Variants in ITGA9 observed in about 807,000 individuals in gnomAD.
The protein encoded by ITGA9 is integrin alpha-9.
In ITGA9, 56 loss-of-function variants were observed where a neutral mutation model predicts 127.8. That is an observed-to-expected ratio of 0.44 (90% confidence interval 0.35 to 0.55). The LOEUF is 0.55. Among genes scored for constraint, ITGA9 ranks in the 20% least tolerant of loss-of-function variants. The pLI is 0.00. For missense variants in ITGA9, 1,196 were observed against 1,347.1 expected (o/e 0.89, Z 1.76); for synonymous variants, 508 against 514.5 (o/e 0.99, Z 0.17).
chr3:37,610,562 T>G (rs942442147), intron 15 of ITGA9, among the ~76,000 whole-genome samples: 3 of 152,202 alleles, frequency 2.0e-5, no homozygotes, highest in Non-Finnish European at 4.4e-5. Flanking sequence ...AGTATAGACT[T>G]AGTTTGTCTG....
At chr3:37,649,003 G>A (rs1373364089) in intron 16 of ITGA9, among the ~76,000 whole-genome samples, 1 of 150,630 alleles carries the variant, frequency 6.6e-6, no homozygotes, top group Non-Finnish European at 1.5e-5. Context: ...GTTACATTGT[G>A]AACTTATAAC....
At chr3:37,657,121 A>T (rs1414422449) in intron 17 of ITGA9, among the ~76,000 whole-genome samples, 1 of 152,142 alleles carries the variant, frequency 6.6e-6, no homozygotes, top group Non-Finnish European at 1.5e-5. Flanking sequence ...TTTAGCATTG[A>T]TGTTCATCAG....
intron 15 of ITGA9, among the ~76,000 whole-genome samples, chr3:37,590,618 C>A (rs1699806354): frequency 6.6e-6 from 1 of 151,572 alleles, no homozygotes; most frequent in Admixed American, 6.6e-5. Context: ...GAGATACCCA[C>A]CCTGCCCCTT....
chr3:37,651,771 G>A (rs1350383564), intron 16 of ITGA9, among the ~76,000 whole-genome samples: 2 of 152,122 alleles, frequency 1.3e-5, no homozygotes, highest in East Asian at 3.9e-4. Flanking sequence ...TGAACCAGCT[G>A]GAGGAATCTG....
intron 27 of ITGA9, among the ~76,000 whole-genome samples, chr3:37,811,546 T>C (rs1230256422): frequency 6.6e-6 from 1 of 152,156 alleles, no homozygotes; most frequent in Non-Finnish European, 1.5e-5. Flanking sequence ...CTTCCCTCCC[T>C]GTCTTTCTCT....
At chr3:37,530,314 G>T (rs1005490437) in intron 13 of ITGA9, among the ~76,000 whole-genome samples, 2 of 152,206 alleles carry the variant, frequency 1.3e-5, no homozygotes, top group African/African-American at 4.8e-5. Context: ...TAGGTTTTGG[G>T]TGGGACTAGA....
At chr3:37,610,609 A>G (rs1700007307) in intron 15 of ITGA9, among the ~76,000 whole-genome samples, 1 of 152,210 alleles carries the variant, frequency 6.6e-6, no homozygotes, top group Non-Finnish European at 1.5e-5. Context: ...AATAATACCT[A>G]TGTCGAGATA....
chr3:37,634,591 A>G, intron 16 of ITGA9, among the ~76,000 whole-genome samples: 1 of 152,202 alleles, frequency 6.6e-6, no homozygotes, highest in Non-Finnish European at 1.5e-5. Context: ...AGAGAAACTA[A>G]ATATATAAAG....
chr3:37,736,767 C>G (rs1696367527), intron 19 of ITGA9, 137 bp from the exon 20 acceptor site: 1 of 713,562 alleles, frequency 1.4e-6, no homozygotes, highest in Non-Finnish European at 2.6e-6. Context: ...TTTGGCCTGA[C>G]AGTCAGAAAG....
At chr3:37,720,028 T>G (rs1229795827) in intron 18 of ITGA9, among the ~76,000 whole-genome samples, 1 of 152,200 alleles carries the variant, frequency 6.6e-6, no homozygotes, top group Non-Finnish European at 1.5e-5. Flanking sequence ...CTCAGTGACA[T>G]GGAGCAGTGC....
intron 3 of ITGA9, among the ~76,000 whole-genome samples, chr3:37,476,736 C>T (rs373286972): frequency 2.0e-5 from 3 of 152,268 alleles, no homozygotes; most frequent in South Asian, 2.1e-4. Flanking sequence ...TCTTTTGTGT[C>T]ATTAGGAACT....
chr3:37,698,666 A>G (rs1183441691), intron 18 of ITGA9, among the ~76,000 whole-genome samples: 1 of 152,102 alleles, frequency 6.6e-6, no homozygotes, highest in Non-Finnish European at 1.5e-5. Flanking sequence ...TTTCGTGTGC[A>G]TGTTTTTTTT....
chr3:37,559,415 G>A (rs767989395), intron 15 of ITGA9, among the ~76,000 whole-genome samples: 4 of 152,176 alleles, frequency 2.6e-5, no homozygotes, highest in South Asian at 2.1e-4. Context: ...CAAAGGGTTG[G>A]TGTGAGGATA....
intron 15 of ITGA9, among the ~76,000 whole-genome samples, chr3:37,622,786 A>G (rs920494224): frequency 1.3e-5 from 2 of 152,140 alleles, no homozygotes; most frequent in South Asian, 4.1e-4. Context: ...CAGAGATTGC[A>G]ATGAGCTGAG....
chr3:37,812,657 A>G (rs1210280788), intron 27 of ITGA9, among the ~76,000 whole-genome samples: 1 of 152,272 alleles, frequency 6.6e-6, no homozygotes, highest in East Asian at 1.9e-4. Flanking sequence ...CTGCAGGACC[A>G]GCAGACACAA....
At chr3:37,748,568 T>G in intron 22 of ITGA9, 1 of 452,272 alleles carries the variant, frequency 2.2e-6, no homozygotes, top group East Asian at 4.4e-5. Context: ...GCCAACATGG[T>G]GAAATCCCGT....
intron 15 of ITGA9, among the ~76,000 whole-genome samples, chr3:37,583,068 C>T (rs1191620546): frequency 6.6e-6 from 1 of 152,186 alleles, no homozygotes; most frequent in African/African-American, 2.4e-5. Context: ...CCTCACCGTC[C>T]CACTTTGCTT....
chr3:37,570,345 G>A (rs1699588682), intron 15 of ITGA9, among the ~76,000 whole-genome samples: 1 of 152,258 alleles, frequency 6.6e-6, no homozygotes, highest in Non-Finnish European at 1.5e-5. Flanking sequence ...TGGGACAGGA[G>A]TAGGGGAATA....
At chr3:37,752,864 G>A (rs567415871) in intron 23 of ITGA9, among the ~76,000 whole-genome samples, 6 of 152,244 alleles carry the variant, frequency 3.9e-5, no homozygotes, top group African/African-American at 9.6e-5. Context: ...AGGTTTTTAC[G>A]GGGAGCCTAA....
Sources: gnomAD v4.1 joint callset for allele counts (sites outside exome capture counted in the v4.1 genomes callset) on GRCh38, gnomAD v4.1.1 for gene constraint, MANE v1.5 for transcripts, NCBI Gene and HGNC (gene_info 2026-07-23, HGNC 2026-07-21) for gene names.